Variants in COL5A3 observed in about 807,000 individuals in gnomAD.
COL5A3 encodes the protein collagen type V alpha 3 chain, also known as collagen alpha-3(V) chain.
COL5A3 carries 172 observed loss-of-function variants against 250.0 expected under a neutral mutation model. The ratio of observed to expected loss-of-function variants is 0.69; its 90% CI spans 0.61 to 0.78. The LOEUF (loss-of-function observed/expected upper bound fraction) is 0.78. Ranked by LOEUF, COL5A3 falls within the 30% of genes least tolerant of loss-of-function variation. The probability of loss-of-function intolerance (pLI) is 0.00; values close to 1 mark genes in which losing one functional copy is unlikely to be tolerated. For missense variants in COL5A3, 2,340 were observed against 2,334.4 expected, an observed-to-expected ratio of 1.00 and a Z score of -0.05; for synonymous variants, 937 against 900.4, an observed-to-expected ratio of 1.04 and a Z score of -0.73.
chr19:9,969,853 TG>T lies in COL5A3; in HGVS notation c.3990+15del, dbSNP rs1270108068. 1 of 1,613,528 alleles carries T rather than the reference TG, an allele frequency of 6.2e-7. No individual in the cohort carries two copies. ...AGAGTAGTGCAGGGACCCTTCCCCTTGCCAGGGGGACTCACCTTGGCACCTT... is the reference window on the plus strand; with the variant it reads ...AGAGTAGTGCAGGGACCCTTCCCCTTCCAGGGGGACTCACCTTGGCACCTT... On this transcript the variant is annotated intron_variant, in intron 55 of 66. Coordinates refer to ENST00000264828, the MANE Select transcript of COL5A3 (RefSeq NM_015719.4).
rs2086935327 is a variant in COL5A3, at chr19:9,977,260, T to C, written c.3257A>G (p.His1086Arg). 6.2e-7 allele frequency: 1 copy of C among 1,613,962 alleles called. No homozygotes were observed. The highest frequency in any genetic ancestry group is 1.3e-5 in the African/African-American group (1 of 74,910). ...GDKGDVGAPG[H>R]KGSKGDKGDA... The stretch of plus-strand genomic sequence containing the variant: ...TCCTTTATCGCCTTTACTCCCCTTG[T>C]GTCCGGGGGCACCCACATCCCCCTG... Residue 1086 changes from histidine to arginine, a missense_variant, in exon 44 of 67, where the codon CAC (histidine) becomes CGC (arginine). Physicochemically the swap from His to Arg is conservative, Grantham distance 29. This residue lies in a region of COL5A3 where 1,179 missense variants were observed against 1,162.6 expected (regional missense o/e 1.01). Transcript: ENST00000264828.
chr19:9,968,080 C>A lies in COL5A3; in HGVS notation c.4315-1G>T. ...GAGAGCCAATGGGACCAGGGGGACCCTAGGAAAAGGACATCGGGTCAGTAT... is the reference window on the plus strand; with the variant it reads ...GAGAGCCAATGGGACCAGGGGGACCATAGGAAAAGGACATCGGGTCAGTAT... On this transcript the variant is annotated splice_acceptor_variant, in intron 59 of 66. Transcript: ENST00000264828. LOFTEE classifies it high-confidence loss of function. The surrounding 1 kb of genome is among the most constrained non-coding windows in gnomAD (Gnocchi z 4.1). The A allele has an allele frequency of 6.3e-7, 1 of 1,587,210 alleles. No homozygotes were observed. The highest frequency in any genetic ancestry group is 1.2e-5 in the South Asian group (1 of 86,144).
At position 10,005,657 on chromosome 19, in the gene COL5A3, A is replaced by G; in HGVS notation, c.495T>C (p.Cys165=). ...DGEMVTLVAD[C]EAQPPVLGHG... ...GGCCCAAAACAGGGGGCTGAGCTTC[A>G]CAGTCAGCTACCAGGGTCACCATCT... Residue 165 remains cysteine (C), a synonymous_variant, in exon 4 of 67, where the codon TGT becomes TGC. Coordinates refer to ENST00000264828, the MANE Select transcript of COL5A3 (RefSeq NM_015719.4). The G allele has an allele frequency of 5.6e-6, 9 of 1,613,982 alleles. No individual in the cohort carries two copies. The highest frequency in any genetic ancestry group is 7.6e-6 in the Non-Finnish European group (9 of 1,179,938).
chr19:9,989,569 C>T (rs745321914), intron 24 of COL5A3, 47 bp from the exon 25 acceptor site: 2 of 1,521,484 alleles, frequency 1.3e-6, no homozygotes, highest in South Asian at 2.4e-5. Context: ...GCTCAGAGCC[C>T]TGGAGCACCA....
At chr19:9,985,613 C>G (rs2087088590) in intron 31 of COL5A3, among the ~76,000 whole-genome samples, 1 of 152,048 alleles carries the variant, frequency 6.6e-6, no homozygotes, top group Admixed American at 6.6e-5. Flanking sequence ...GCCACGTTGC[C>G]CAGTCTGGTC....
chr19:9,988,855 A>AAAAAAAAGAGAGAAAG (rs1269531312), intron 27 of COL5A3, among the ~76,000 whole-genome samples: 30 of 104,702 alleles, frequency 2.9e-4, no homozygotes, highest in Admixed American at 5.8e-4. Context: ...AAAAAAAAAA[A>AAAAAAAAGAGAGAAAG]AAAGAAAGTA....
chr19:9,966,268 G>T, intron 64 of COL5A3, 46 bp downstream of exon 64: 2 of 1,438,796 alleles, frequency 1.4e-6, no homozygotes, highest in Non-Finnish European at 1.9e-6. Flanking sequence ...GGGGAGCAGG[G>T]GACAGCACTT....
At chr19:9,994,315 A>G (rs1024663827) in intron 16 of COL5A3, among the ~76,000 whole-genome samples, 20 of 151,424 alleles carry the variant, frequency 1.3e-4, no homozygotes, top group African/African-American at 4.9e-4. Flanking sequence ...AGTAGCTGGG[A>G]CTACAAGTGC....
chr19:9,985,731 G>C (rs2087090003), intron 31 of COL5A3, 111 bp downstream of exon 31: 1 of 956,324 alleles, frequency 1.0e-6, no homozygotes, highest in African/African-American at 1.6e-5. Context: ...CATTCTCTCA[G>C]TGACCCTTGG....
rs756709010 is a variant in COL5A3 at position 9,997,368 on chromosome 19, T to C, written c.1263+3A>G. ...AGTGTACACCCCAGTGGGAGTCTCTTACCGGTGGACCAGGGTCGCCAGGGA... is the reference window on the plus strand; with the variant it reads ...AGTGTACACCCCAGTGGGAGTCTCTCACCGGTGGACCAGGGTCGCCAGGGA... On this transcript the variant is annotated splice_donor_region_variant and intron_variant, in intron 11 of 66. Transcript: ENST00000264828. 4.4e-6 allele frequency: 7 copies of C among 1,607,146 alleles called. No homozygotes were observed. The South Asian group carries it at 4.5e-5, about 10-fold the overall frequency.
chr19:9,977,841 G>A (rs1303474820), intron 41 of COL5A3, 140 bp from the exon 42 acceptor site: 3 of 568,292 alleles, frequency 5.3e-6, no homozygotes, highest in Non-Finnish European at 8.3e-6. Context: ...GCCAGAGGGT[G>A]CCTGTGAGCA....
At chr19:9,998,790 T>G (rs1271958585) in intron 8 of COL5A3, among the ~76,000 whole-genome samples, 2 of 152,066 alleles carry the variant, frequency 1.3e-5, no homozygotes, top group Non-Finnish European at 2.9e-5. Flanking sequence ...GTTCTAGCGA[T>G]TCTCCTGCCT....
In COL5A3 at chr19:9,973,950, G is replaced by T. The variant is rs1283978086; in HGVS notation, c.3527C>A (p.Pro1176His). Residue 1176 changes from proline (P) to histidine (H), a missense_variant, in exon 48 of 67, where the codon CCT becomes CAT. By Grantham distance (77) the Pro-to-His change is moderately conservative. Coordinates refer to ENST00000264828, the MANE Select transcript of COL5A3 (RefSeq NM_015719.4). ...GSMGPHGAPG[P>H]RGPQGPTGSE... ...TCCAGTGGGGCCTTGGGGACCCCGAGGACCTGGAGCTCCATGGGGACCCTG... is the reference window on the plus strand; with the variant it reads ...TCCAGTGGGGCCTTGGGGACCCCGATGACCTGGAGCTCCATGGGGACCCTG... The T allele has an allele frequency of 6.5e-7, 1 of 1,548,162 alleles. No individual in the cohort carries two copies. Among genetic ancestry groups the T allele is most frequent in the Non-Finnish European group, 8.7e-7 (1 of 1,147,016 alleles).
At chr19:9,983,039 T>C (rs55752297) in intron 31 of COL5A3, among the ~76,000 whole-genome samples, 13,239 of 151,878 alleles carry the variant, frequency 0.087, 815 homozygotes, top group African/African-American at 0.18. Context: ...AAATAAATTT[T>C]TAGTAGATAT....
intron 8 of COL5A3, among the ~76,000 whole-genome samples, chr19:10,000,389 G>A (rs8102728): frequency 0.12 from 17,383 of 150,542 alleles, 1,044 homozygotes; most frequent in Middle Eastern, 0.14. Flanking sequence ...GCAGATTGCG[G>A]GCTTCCCTGC....
chr19:10,007,272 C>G (rs1351938399), intron 1 of COL5A3, among the ~76,000 whole-genome samples: 1 of 152,168 alleles, frequency 6.6e-6, no homozygotes, highest in Non-Finnish European at 1.5e-5. Context: ...CTGACCTTCT[C>G]CCACTGCCTA....
Position 9,992,824 on chromosome 19 carries a change from C to A in COL5A3, c.1848+3G>T. The A allele has an allele frequency of 6.2e-7, 1 of 1,613,872 alleles. No individual in the cohort carries two copies. The highest frequency in any genetic ancestry group is 8.5e-7 in the Non-Finnish European group (1 of 1,179,838). ...AGGGATGCAGAGAGCCAGTGACACTCACCGGGCGACCCGTGGGGCCAGGAG... is the reference window on the plus strand; with the variant it reads ...AGGGATGCAGAGAGCCAGTGACACTAACCGGGCGACCCGTGGGGCCAGGAG... On this transcript the variant is annotated splice_donor_region_variant and intron_variant, in intron 21 of 66. Transcript: ENST00000264828.
Position 9,974,196 on chromosome 19 carries a change from C to G in COL5A3, c.3479G>C (p.Gly1160Ala), listed in dbSNP as rs765294748. ...QGLPGPPGEKGEVGDVGSMGP... is the reference protein window; with the variant it reads ...QGLPGPPGEKAEVGDVGSMGP... Reference sequence around the variant, plus strand: ...CATGGACCCGACGTCTCCGACCTCCCCTTTCTCTCCCGGAGGGCCTGGCAG... The same window carrying G: ...CATGGACCCGACGTCTCCGACCTCCGCTTTCTCTCCCGGAGGGCCTGGCAG... Residue 1160 changes from glycine (G) to alanine (A), a missense_variant, in exon 47 of 67, where the codon GGG becomes GCG. By Grantham distance (60) the Gly-to-Ala change is moderately conservative. Coordinates refer to ENST00000264828, the MANE Select transcript of COL5A3 (RefSeq NM_015719.4). 1 of 1,614,006 alleles carries G rather than the reference C, an allele frequency of 6.2e-7. No individual in the cohort carries two copies. The highest frequency in any genetic ancestry group is 1.1e-5 in the South Asian group (1 of 91,034).
intron 51 of COL5A3, among the ~76,000 whole-genome samples, chr19:9,972,484 T>TTC (rs1231529004): frequency 6.6e-6 from 1 of 152,190 alleles, no homozygotes; most frequent in African/African-American, 2.4e-5. Flanking sequence ...CATTCATCCG[T>TTC]GTTCTGGGGG....
Sources: gnomAD v4.1 joint callset for allele counts (sites outside exome capture counted in the v4.1 genomes callset) on GRCh38, gnomAD v4.1.1 for gene constraint, gnomAD v4.1.1 regional missense constraint, Gnocchi (gnomAD v3.1) non-coding constraint, MANE v1.5 for transcripts, NCBI Gene and HGNC (gene_info 2026-07-23, HGNC 2026-07-21) for gene names.